The following CTTNBP2NL variants were observed in gnomAD, a reference collection of about 807,000 sequenced individuals.
CTTNBP2NL encodes CTTNBP2 N-terminal-like protein.
CTTNBP2NL carries 16 observed loss-of-function variants against 32.5 expected under a neutral mutation model. That is an observed-to-expected ratio of 0.49 (90% CI 0.33 to 0.75). CTTNBP2NL has a LOEUF of 0.75. Among genes scored for constraint, CTTNBP2NL ranks in the 30% least tolerant of loss-of-function variants. CTTNBP2NL has a pLI of 0.02. For synonymous variants in CTTNBP2NL, 298 were observed against 289.4 expected, an observed-to-expected ratio of 1.03 and a Z score of -0.30; for missense variants, 645 against 756.0, an observed-to-expected ratio of 0.85 and a Z score of 1.72.
intron 4 of CTTNBP2NL, among the ~76,000 whole-genome samples, chr1:112,450,085 C>T (rs1043577526): frequency 1.3e-5 from 2 of 152,202 alleles, no homozygotes; most frequent in African/African-American, 4.8e-5. Flanking sequence ...GAAACATTTT[C>T]ATCTGAAAAA....
At chr1:112,442,069 T>G (rs1649908104) in intron 3 of CTTNBP2NL, among the ~76,000 whole-genome samples, 1 of 152,248 alleles carries the variant, frequency 6.6e-6, no homozygotes, top group Non-Finnish European at 1.5e-5. Context: ...TCTCTGTACC[T>G]GCTGCTGCAT....
At chr1:112,431,269 T>G (rs958475858) in intron 3 of CTTNBP2NL, among the ~76,000 whole-genome samples, 1 of 152,242 alleles carries the variant, frequency 6.6e-6, no homozygotes, top group African/African-American at 2.4e-5. Flanking sequence ...TATTGTGTCT[T>G]CCTTGCATGT....
At chr1:112,398,240 A>T (rs1373663720) in intron 1 of CTTNBP2NL, among the ~76,000 whole-genome samples, 1 of 152,262 alleles carries the variant, frequency 6.6e-6, no homozygotes. Context: ...TATTTAGCAC[A>T]GTAAGCAAGA....
chr1:112,426,152 A>G (rs1352390611), intron 3 of CTTNBP2NL, among the ~76,000 whole-genome samples: 1 of 152,026 alleles, frequency 6.6e-6, no homozygotes, highest in Non-Finnish European at 1.5e-5. Flanking sequence ...GATTAAGGAA[A>G]TTTGTATTTT....
chr1:112,435,985 C>A (rs1339045697), intron 3 of CTTNBP2NL, among the ~76,000 whole-genome samples: 1 of 150,994 alleles, frequency 6.6e-6, no homozygotes, highest in Admixed American at 6.6e-5. Context: ...GGTCATCTGT[C>A]TAAATTACAC....
At chr1:112,424,509 T>C (rs1175657936) in intron 3 of CTTNBP2NL, among the ~76,000 whole-genome samples, 2 of 152,230 alleles carry the variant, frequency 1.3e-5, no homozygotes, top group Admixed American at 6.5e-5. Flanking sequence ...TTTATGGTCC[T>C]TCGCATTTCC....
chr1:112,457,533 A>C lies in CTTNBP2NL; in HGVS notation c.*121A>C. 3.6e-6 allele frequency: 3 copies of C among 824,414 alleles called. No homozygotes were observed. The highest frequency in any genetic ancestry group is 5.6e-6 in the Non-Finnish European group (3 of 539,938). The allele number at this position is 824,414 out of a possible 1,614,324, so 51.1% of individuals were successfully genotyped here. A position where few individuals can be genotyped will look rare whatever the true frequency, so the allele number is the denominator to read the frequency against. ...GTAGCTGAAACCATCTGTATAATAC[A>C]TTTAGTATATTTCACCATTTTGTAT... On this transcript the variant is annotated 3_prime_UTR_variant, in exon 6 of 6. Coordinates refer to ENST00000271277, the MANE Select transcript of CTTNBP2NL (RefSeq NM_018704.3).
chr1:112,411,748 T>C (rs1300730156), intron 1 of CTTNBP2NL, among the ~76,000 whole-genome samples: 2 of 151,854 alleles, frequency 1.3e-5, no homozygotes, highest in African/African-American at 4.8e-5. Context: ...AGTGGCACAA[T>C]CTCGGCTCAC....
chr1:112,454,159 C>T (rs1175639), intron 4 of CTTNBP2NL, among the ~76,000 whole-genome samples: 2,517 of 152,206 alleles, frequency 0.017, 57 homozygotes, highest in African/African-American at 0.052. Context: ...TGTTAATTCT[C>T]GACACCTCCT....
chr1:112,451,326 C>A (rs1354715249), intron 4 of CTTNBP2NL, among the ~76,000 whole-genome samples: 1 of 149,568 alleles, frequency 6.7e-6, no homozygotes, highest in Non-Finnish European at 1.5e-5. Flanking sequence ...CCACCATTCT[C>A]TGTCACATCT....
intron 2 of CTTNBP2NL, among the ~76,000 whole-genome samples, chr1:112,413,753 G>T (rs901899376): frequency 6.6e-6 from 1 of 152,088 alleles, no homozygotes. Flanking sequence ...AAATTCACTT[G>T]TTAGAAAATA....
At chr1:112,442,666 A>G (rs2492531) in intron 3 of CTTNBP2NL, among the ~76,000 whole-genome samples, 83,622 of 151,648 alleles carry the variant, frequency 0.55, 24,125 homozygotes, top group South Asian at 0.71. Context: ...GAATGTTGAA[A>G]CAGCTACATT....
chr1:112,445,775 C>T (rs1029127546), intron 3 of CTTNBP2NL, among the ~76,000 whole-genome samples: 2 of 152,322 alleles, frequency 1.3e-5, no homozygotes, highest in South Asian at 2.1e-4. Flanking sequence ...TTACTCATAA[C>T]TCTGTGGTGC....
rs369515447 is a variant in CTTNBP2NL, at chr1:112,449,168, G to A, written c.326G>A (p.Arg109Gln). ...CTGGCTGCTGCTGAGAGCAGGCACCGAAAGGTAGGTTCACCTCAGTTGATG... is the reference window on the plus strand; with the variant it reads ...CTGGCTGCTGCTGAGAGCAGGCACCAAAAGGTAGGTTCACCTCAGTTGATG... The part of the protein sequence containing the change: ...SQLAAAESRH[R>Q]KVILDLEEER... The change falls in exon 4 of 6, where the codon CGA becomes CAA. Residue 109 changes from arginine to glutamine, a missense_variant. Arg to Gln is a conservative substitution (Grantham distance 43, BLOSUM62 1). Coordinates refer to ENST00000271277, the MANE Select transcript of CTTNBP2NL (RefSeq NM_018704.3). 2.0e-5 allele frequency: 32 copies of A among 1,588,028 alleles called. No homozygotes were observed. The highest frequency in any genetic ancestry group is 2.6e-5 in the Non-Finnish European group (30 of 1,156,800).
At chr1:112,397,879 G>A (rs1339305735) in intron 1 of CTTNBP2NL, among the ~76,000 whole-genome samples, 1 of 152,190 alleles carries the variant, frequency 6.6e-6, no homozygotes, top group African/African-American at 2.4e-5. Context: ...TAGACTTTCT[G>A]AAGGTAGACT....
intron 1 of CTTNBP2NL, among the ~76,000 whole-genome samples, chr1:112,403,035 CCT>C (rs1312029276): frequency 6.6e-6 from 1 of 152,120 alleles, no homozygotes; most frequent in East Asian, 1.9e-4. Flanking sequence ...GATTATTTCC[CCT>C]CTTACCTCCC....
rs1649059580 is a variant in CTTNBP2NL at position 112,416,272 on chromosome 1, A to T, written c.99+8A>T. 2 of 1,349,396 alleles carry T rather than the reference A, an allele frequency of 1.5e-6. No homozygotes were observed. The highest frequency in any genetic ancestry group is 1.5e-5 in the African/African-American group (1 of 67,198). 83.6% of individuals were successfully genotyped at this position (1,349,396 alleles called of 1,614,324 possible). A position where few individuals can be genotyped will look rare whatever the true frequency, so the allele number is the denominator to read the frequency against. The stretch of plus-strand genomic sequence containing the variant: ...GTTATAGAAGCCTTAAAGGTATGTT[A>T]AAAGAAAAAAAAAAAGAGGTCATCA... On this transcript the variant is annotated splice_region_variant and intron_variant, in intron 3 of 5. Transcript: ENST00000271277.
intron 3 of CTTNBP2NL, among the ~76,000 whole-genome samples, chr1:112,417,521 GA>G (rs1262890235): frequency 2.6e-5 from 4 of 152,172 alleles, no homozygotes; most frequent in Non-Finnish European, 2.9e-5. Context: ...AGGCAGTTCT[GA>G]TAAGTTGAGA....
At chr1:112,437,218 A>G (rs1405660541) in intron 3 of CTTNBP2NL, among the ~76,000 whole-genome samples, 2 of 152,186 alleles carry the variant, frequency 1.3e-5, no homozygotes, top group African/African-American at 4.8e-5. Flanking sequence ...TACTTTCCAC[A>G]ATGGTTGAAC....
Sources: gnomAD v4.1 joint callset for allele counts (sites outside exome capture counted in the v4.1 genomes callset) on GRCh38, gnomAD v4.1.1 for gene constraint, MANE v1.5 for transcripts, NCBI Gene and HGNC (gene_info 2026-07-23, HGNC 2026-07-21) for gene names.